Variants in OSBPL6 observed in about 807,000 individuals in gnomAD.
OSBPL6 encodes the protein oxysterol-binding protein-related protein 6.
OSBPL6 carries 49 observed loss-of-function variants against 125.8 expected under a neutral mutation model. The observed-to-expected ratio is 0.39, with a 90% CI of 0.31 to 0.49. The LOEUF (loss-of-function observed/expected upper bound fraction) is 0.49, where lower values mean the gene tolerates loss of function less well. OSBPL6 is among the 20% of genes least tolerant of loss of function. The pLI is 0.88. For synonymous variants in OSBPL6, 394 were observed against 391.8 expected (o/e 1.01, Z -0.07); for missense variants, 986 against 1,135.4 (o/e 0.87, Z 1.89).
intron 3 of OSBPL6, among the ~76,000 whole-genome samples, chr2:178,311,940 G>A (rs1219000663): frequency 6.6e-6 from 1 of 152,106 alleles, no homozygotes; most frequent in Non-Finnish European, 1.5e-5. Flanking sequence ...GAGGTGGGAG[G>A]TATCTCTTTA....
intron 11 of OSBPL6, chr2:178,344,253 T>C: frequency 1.9e-6 from 3 of 1,578,814 alleles, no homozygotes; most frequent in Non-Finnish European, 2.6e-6. Context: ...CCCCGTCCTG[T>C]GTTTCCTCCC....
chr2:178,279,816 T>A (rs1683957136), intron 1 of OSBPL6, among the ~76,000 whole-genome samples: 1 of 152,212 alleles, frequency 6.6e-6, no homozygotes, highest in Non-Finnish European at 1.5e-5. Context: ...GTAATCAGGC[T>A]TGAACTTTAT....
At position 178,372,172 on chromosome 2, in the gene OSBPL6, A is replaced by T; in HGVS notation, c.1334A>T (p.His445Leu). 6.2e-7 allele frequency: 1 copy of T among 1,613,430 alleles called. No individual in the cohort carries two copies. The highest frequency in any genetic ancestry group is 8.5e-7 in the Non-Finnish European group (1 of 1,179,558). ...AELRSRLNRI[H>L]SESIICDQVV... Reference sequence around the variant, plus strand: ...CTAAGGAGTCGGTTGAACAGAATACATTCAGAGTCTATTATTTGTGATCAG... The same window carrying T: ...CTAAGGAGTCGGTTGAACAGAATACTTTCAGAGTCTATTATTTGTGATCAG... The change falls in exon 14 of 25, where the codon CAT (histidine) becomes CTT (leucine). Residue 445 changes from histidine (H) to leucine (L), a missense_variant. Transcript: ENST00000190611.
intron 1 of OSBPL6, among the ~76,000 whole-genome samples, chr2:178,267,211 G>A (rs911363018): frequency 6.6e-6 from 1 of 151,852 alleles, no homozygotes; most frequent in African/African-American, 2.4e-5. Context: ...AAAATTAGCC[G>A]GGCATGGTGG....
chr2:178,394,193 G>A (rs1430849788), intron 23 of OSBPL6, 120 bp from the exon 24 acceptor site: 9 of 1,292,566 alleles, frequency 7.0e-6, no homozygotes, highest in East Asian at 2.4e-5. Context: ...GCAAGACTCC[G>A]TCCGTTACTG....
intron 11 of OSBPL6, among the ~76,000 whole-genome samples, chr2:178,344,666 TG>T (rs535394720): frequency 3.3e-3 from 307 of 92,700 alleles, no homozygotes; most frequent in African/African-American, 8.9e-3. Flanking sequence ...TAAATTATAT[TG>T]TTTTTTTTTC....
intron 1 of OSBPL6, among the ~76,000 whole-genome samples, chr2:178,224,605 A>G (rs2090474927): frequency 6.6e-6 from 1 of 152,198 alleles, no homozygotes; most frequent in Non-Finnish European, 1.5e-5. Flanking sequence ...TTCTTTCATG[A>G]ATCAGAACTG....
intron 9 of OSBPL6, among the ~76,000 whole-genome samples, chr2:178,338,471 TATA>T (rs1286083443): frequency 6.6e-6 from 1 of 152,260 alleles, no homozygotes; most frequent in East Asian, 1.9e-4. Context: ...ATTTGGTTAA[TATA>T]ATGTCTCTAA....
intron 1 of OSBPL6, among the ~76,000 whole-genome samples, chr2:178,217,339 G>A (rs2090131794): frequency 6.6e-6 from 1 of 152,202 alleles, no homozygotes; most frequent in Admixed American, 6.5e-5. Flanking sequence ...AGGAAACTGA[G>A]AGGCATGACA....
chr2:178,263,325 A>G (rs1485917906), intron 1 of OSBPL6, among the ~76,000 whole-genome samples: 1 of 152,204 alleles, frequency 6.6e-6, no homozygotes, highest in Admixed American at 6.5e-5. Flanking sequence ...CTAAAAATAC[A>G]AAATTAGCTG....
chr2:178,281,983 A>C (rs1684235756), intron 1 of OSBPL6, among the ~76,000 whole-genome samples: 1 of 152,172 alleles, frequency 6.6e-6, no homozygotes, highest in South Asian at 2.1e-4. Flanking sequence ...GCACAGAATT[A>C]AGGTCCGGTC....
chr2:178,333,458 A>G (rs999685991), intron 8 of OSBPL6, among the ~76,000 whole-genome samples: 1 of 152,254 alleles, frequency 6.6e-6, no homozygotes. Flanking sequence ...TGGGAAAACC[A>G]GAAAGAGGAG....
intron 2 of OSBPL6, among the ~76,000 whole-genome samples, chr2:178,293,650 T>C (rs1449341012): frequency 1.3e-5 from 2 of 152,126 alleles, no homozygotes; most frequent in African/African-American, 4.8e-5. Flanking sequence ...CCAATTATAC[T>C]CTTTCAGTTA....
At chr2:178,362,724 T>G (rs1692464499) in intron 13 of OSBPL6, among the ~76,000 whole-genome samples, 3 of 152,190 alleles carry the variant, frequency 2.0e-5, no homozygotes, top group African/African-American at 7.2e-5. Flanking sequence ...TTTACGTCCC[T>G]GAACTGTCGG....
At chr2:178,276,520 G>A (rs1214045131) in intron 1 of OSBPL6, among the ~76,000 whole-genome samples, 1 of 151,780 alleles carries the variant, frequency 6.6e-6, no homozygotes, top group Non-Finnish European at 1.5e-5. Context: ...TTACAGGTAT[G>A]CACCACCACA....
At chr2:178,231,805 T>A (rs918586360) in intron 1 of OSBPL6, among the ~76,000 whole-genome samples, 1 of 151,980 alleles carries the variant, frequency 6.6e-6, no homozygotes, top group African/African-American at 2.4e-5. Flanking sequence ...CACTGCTGTG[T>A]CCCTCTAATT....
At position 178,298,700 on chromosome 2, in the gene OSBPL6, T is replaced by C. The variant is rs1353803213; in HGVS notation, c.-155-7330T>C. ...GCCCAGCCTATTTTTAGTTGCTTTT[T>C]TTTTTGTTTTTTTTTTTTTGCCGTA... On this transcript the variant is annotated intron_variant, in intron 2 of 24. Transcript: ENST00000190611. Among the ~76,000 whole-genome samples the C allele has an allele frequency of 2.0e-5, 3 of 146,988 alleles. No individual in the cohort carries two copies. The East Asian group carries it at 6.2e-4, about 30-fold the overall frequency.
chr2:178,389,584 A>T (rs1695231023), intron 21 of OSBPL6, among the ~76,000 whole-genome samples: 1 of 152,202 alleles, frequency 6.6e-6, no homozygotes, highest in African/African-American at 2.4e-5. Flanking sequence ...CATGTAGATG[A>T]TCACCACCAG....
chr2:178,249,323 T>G (rs182710422), intron 1 of OSBPL6, among the ~76,000 whole-genome samples: 1 of 152,228 alleles, frequency 6.6e-6, no homozygotes, highest in Non-Finnish European at 1.5e-5. Context: ...AAATGTGAAC[T>G]TTTTCCAATT....
Sources: gnomAD v4.1 joint callset for allele counts (sites outside exome capture counted in the v4.1 genomes callset) on GRCh38, gnomAD v4.1.1 for gene constraint, MANE v1.5 for transcripts, NCBI Gene and HGNC (gene_info 2026-07-23, HGNC 2026-07-21) for gene names.